Variants in KIDINS220 observed in about 807,000 individuals in gnomAD.
KIDINS220 encodes the protein kinase D-interacting substrate of 220 kDa.
A neutral mutation model predicts 157.6 loss-of-function variants in KIDINS220; 63 were observed. The ratio of observed to expected loss-of-function variants is 0.40; its 90% CI spans 0.33 to 0.49. The LOEUF (loss-of-function observed/expected upper bound fraction) is 0.49, where lower values mean the gene tolerates loss of function less well. Ranked by LOEUF, KIDINS220 falls within the 20% of genes least tolerant of loss-of-function variation. The probability of loss-of-function intolerance (pLI) is 0.66; values close to 1 mark genes in which losing one functional copy is unlikely to be tolerated. For missense variants in KIDINS220, 1,772 were observed against 2,171.2 expected, an observed-to-expected ratio of 0.82 and a Z score of 3.65; for synonymous variants, 732 against 783.6, an observed-to-expected ratio of 0.93 and a Z score of 1.10.
At chr2:8,826,916 TCTATC>T (rs1678896600) in intron 2 of KIDINS220, 65 bp downstream of exon 2, 7 of 812,016 alleles carry the variant, frequency 8.6e-6, no homozygotes, top group Admixed American at 7.9e-5. Context: ...CTTACACACT[TCTATC>T]CTATACATAG....
chr2:8,726,524 T>TA (rs1285625946), downstream of KIDINS220, among the ~76,000 whole-genome samples: 2 of 152,222 alleles, frequency 1.3e-5, no homozygotes, highest in Admixed American at 1.3e-4. Flanking sequence ...ACAGCTGGCT[T>TA]AAAATTACAG....
At chr2:8,820,389 A>C (rs1677762419) in intron 2 of KIDINS220, among the ~76,000 whole-genome samples, 1 of 152,214 alleles carries the variant, frequency 6.6e-6, no homozygotes, top group Admixed American at 6.5e-5. Context: ...CAGGTACCCA[A>C]ATATTTGCTG....
chr2:8,806,565 A>G (rs1675485686), intron 6 of KIDINS220, among the ~76,000 whole-genome samples, 196 bp from the exon 7 acceptor site: 1 of 152,098 alleles, frequency 6.6e-6, no homozygotes, highest in Non-Finnish European at 1.5e-5. Flanking sequence ...AGTCCATGAA[A>G]TGTCTTTTAA....
Position 8,757,724 on chromosome 2 carries a change from G to A in KIDINS220, c.3012-6080C>T, listed in dbSNP as rs771801626. 77 of 1,612,218 alleles carry A rather than the reference G, an allele frequency of 4.8e-5. No individual in the cohort carries two copies. In the African/African-American group the frequency reaches 8.0e-4, roughly 17 times the overall value. ...GCTTTTCTCAGCTCTCCATCAACAT[G>A]GCAACTAACACTGACTTGGAAATGC... On this transcript the variant is annotated intron_variant, in intron 22 of 29. Coordinates refer to ENST00000256707, the MANE Select transcript of KIDINS220 (RefSeq NM_020738.4).
At chr2:8,796,741 TAC>T (rs1450159395) in intron 11 of KIDINS220, 28 bp downstream of exon 11, 14 of 1,540,756 alleles carry the variant, frequency 9.1e-6, no homozygotes, top group African/African-American at 4.1e-5. Flanking sequence ...CAGCTTTCCA[TAC>T]AGTGTTCTCT....
chr2:8,744,624 G>A (rs534146939), intron 26 of KIDINS220, among the ~76,000 whole-genome samples: 95 of 151,166 alleles, frequency 6.3e-4, no homozygotes, highest in Non-Finnish European at 9.0e-4. Flanking sequence ...GGGAAATCCC[G>A]TTGTCCAGAA....
At chr2:8,785,086 C>T (rs1227477570) in intron 17 of KIDINS220, among the ~76,000 whole-genome samples, 1 of 152,132 alleles carries the variant, frequency 6.6e-6, no homozygotes, top group African/African-American at 2.4e-5. Context: ...AAGAAATGAG[C>T]TAGCAGGTCA....
At chr2:8,761,482 T>C (rs975698670) in intron 22 of KIDINS220, among the ~76,000 whole-genome samples, 4 of 152,178 alleles carry the variant, frequency 2.6e-5, no homozygotes, top group Non-Finnish European at 5.9e-5. Flanking sequence ...GCCACTATTT[T>C]CCCAAAAGTT....
At chr2:8,754,734 A>G (rs1667785194) in intron 22 of KIDINS220, among the ~76,000 whole-genome samples, 1 of 152,254 alleles carries the variant, frequency 6.6e-6, no homozygotes, top group South Asian at 2.1e-4. Context: ...CTTCCATTCA[A>G]AATGAGGTTT....
chr2:8,750,504 C>G (rs369408646), intron 23 of KIDINS220, among the ~76,000 whole-genome samples, 169 bp from the exon 24 acceptor site: 1 of 152,088 alleles, frequency 6.6e-6, no homozygotes, highest in East Asian at 1.9e-4. Context: ...AACTCACAGG[C>G]CTTTTAGTGA....
Position 8,747,956 on chromosome 2 carries a change from G to A in KIDINS220, c.3459C>T (p.Gly1153=), listed in dbSNP as rs199913532. ...PYLYTPRYYP[G]GSQHLISRPS... ...GACGTGAGATGAGATGTTGGGAGCC[G>A]CCAGGGTAATACCTTGGCGTGTAAA... Residue 1153 remains glycine, a synonymous_variant, in exon 25 of 30, where the codon GGC becomes GGT. Coordinates refer to ENST00000256707, the MANE Select transcript of KIDINS220 (RefSeq NM_020738.4). 2.2e-3 allele frequency: 3,586 copies of A among 1,603,606 alleles called. 9 individuals carry two copies. Among genetic ancestry groups the A allele is most frequent in the Non-Finnish European group, 2.9e-3 (3,365 of 1,175,584 alleles).
At chr2:8,759,532 T>C (rs1292641887) in intron 22 of KIDINS220, among the ~76,000 whole-genome samples, 2 of 149,912 alleles carry the variant, frequency 1.3e-5, no homozygotes, top group Non-Finnish European at 3.0e-5. Context: ...AATGTCATCA[T>C]ATACAAAAAC....
intron 17 of KIDINS220, among the ~76,000 whole-genome samples, chr2:8,782,313 AAAG>A (rs550911211): frequency 6.6e-6 from 1 of 152,252 alleles, no homozygotes; most frequent in South Asian, 2.1e-4. Flanking sequence ...AACTAAGATG[AAAG>A]AAGAGGAAAC....
At chr2:8,741,849 T>C (rs1665671257) in intron 26 of KIDINS220, among the ~76,000 whole-genome samples, 1 of 152,134 alleles carries the variant, frequency 6.6e-6, no homozygotes, top group African/African-American at 2.4e-5. Flanking sequence ...AATGAGTAAA[T>C]ACTTTTCCAA....
chr2:8,731,305 G>A lies in KIDINS220; in HGVS notation c.4731C>T (p.Leu1577=). The A allele has an allele frequency of 6.2e-7, 1 of 1,614,082 alleles. No individual in the cohort carries two copies. The highest frequency in any genetic ancestry group is 1.1e-5 in the South Asian group (1 of 91,084). The change falls in exon 30 of 30, where the codon CTC becomes CTT. Residue 1577 remains leucine, a synonymous_variant. Coordinates refer to ENST00000256707, the MANE Select transcript of KIDINS220 (RefSeq NM_020738.4). The surrounding 1 kb of genome is among the most constrained non-coding windows in gnomAD (Gnocchi z 5.2). ...IKAKEYLSDA[L]LDKKDSSDSG... Reference sequence around the variant, plus strand: ...AATCCGATGAATCCTTTTTGTCAAGGAGCGCATCCGATAAATACTCTTTGG... The same window carrying A: ...AATCCGATGAATCCTTTTTGTCAAGAAGCGCATCCGATAAATACTCTTTGG...
chr2:8,747,819 A>G, intron 25 of KIDINS220, 68 bp downstream of exon 25: 1 of 1,002,000 alleles, frequency 1.0e-6, no homozygotes, highest in Non-Finnish European at 1.4e-6. Context: ...AAAGGAAATA[A>G]CCAAACCTCA....
rs972682408 is a variant in KIDINS220, at chr2:8,741,581, A to G, written c.3586-4582T>C. On this transcript the variant is annotated intron_variant, in intron 26 of 29. Coordinates refer to ENST00000256707, the MANE Select transcript of KIDINS220 (RefSeq NM_020738.4). ...GGTGACAGAGCGAGACTCTGTCTCA[A>G]AAAAACCAAAATGAAACAAAACAAA... Among the ~76,000 whole-genome samples the G allele has an allele frequency of 3.3e-5, 5 of 152,220 alleles. No homozygotes were observed. The East Asian group carries it at 9.6e-4, about 29-fold the overall frequency.
At position 8,730,396 on chromosome 2, in the gene KIDINS220, C is replaced by A. The variant is rs1572395937; in HGVS notation, c.*324G>T. 9.2e-7 allele frequency: 1 copy of A among 1,087,878 alleles called. No individual in the cohort carries two copies. The highest frequency in any genetic ancestry group is 6.1e-5 in the East Asian group (1 of 16,354). The allele number at this position is 1,087,878 out of a possible 1,614,324, so 67.4% of individuals were successfully genotyped here. A position where few individuals can be genotyped will look rare whatever the true frequency, so the allele number is the denominator to read the frequency against. On this transcript the variant is annotated 3_prime_UTR_variant, in exon 30 of 30. Coordinates refer to ENST00000256707, the MANE Select transcript of KIDINS220 (RefSeq NM_020738.4). ...CTTTTTTTCTTTTTGGCACATTAAG[C>A]CCTTTAAAATACTTCTGACCTATCT...
intron 21 of KIDINS220, among the ~76,000 whole-genome samples, chr2:8,774,872 G>C (rs1572602432): frequency 6.6e-6 from 1 of 152,156 alleles, no homozygotes; most frequent in African/African-American, 2.4e-5. Flanking sequence ...TATTTTAAAA[G>C]AATCACTGTG....
Sources: allele counts gnomAD v4.1 joint callset (sites outside exome capture counted in the v4.1 genomes callset), GRCh38; gene constraint gnomAD v4.1.1; non-coding constraint Gnocchi (gnomAD v3.1); transcripts MANE v1.5; gene names NCBI Gene and HGNC (gene_info 2026-07-23, HGNC 2026-07-21).